Variants in GDA observed in about 807,000 individuals in gnomAD.
GDA encodes guanine deaminase.
GDA carries 18 observed loss-of-function variants against 59.6 expected under a neutral mutation model. The ratio of observed to expected loss-of-function variants is 0.30; its 90% CI spans 0.21 to 0.45. The LOEUF is 0.45. Among genes scored for constraint, GDA ranks in the 20% least tolerant of loss-of-function variants. The probability of loss-of-function intolerance (pLI) is 1.00; values close to 1 mark genes in which losing one functional copy is unlikely to be tolerated. For synonymous variants in GDA, 201 were observed against 201.1 expected (o/e 1.00, Z 0.00); for missense variants, 427 against 552.3 (o/e 0.77, Z 2.27).
At chr9:72,117,648 C>T (rs1825502633) in intron 1 of GDA, among the ~76,000 whole-genome samples, 1 of 152,082 alleles carries the variant, frequency 6.6e-6, no homozygotes, top group Non-Finnish European at 1.5e-5. Flanking sequence ...GAAATCTTTC[C>T]CAGAGGACAT....
At chr9:72,181,692 C>T (rs1449559349) in intron 1 of GDA, among the ~76,000 whole-genome samples, 1 of 151,926 alleles carries the variant, frequency 6.6e-6, no homozygotes, top group East Asian at 1.9e-4. Context: ...TGGGATGGAG[C>T]ACAGTGGCGT....
chr9:72,226,745 T>G (rs533940920), intron 8 of GDA, among the ~76,000 whole-genome samples: 1 of 152,370 alleles, frequency 6.6e-6, no homozygotes, highest in South Asian at 2.1e-4. Flanking sequence ...ATTTTCCATA[T>G]GATTAATAAA....
rs1052964595 is a variant in GDA at position 72,250,057 on chromosome 9, T to C, written c.*1715T>C. The C allele has an allele frequency of 1.0e-6, 1 of 974,362 alleles. No individual in the cohort carries two copies. Among genetic ancestry groups the C allele is most frequent in the African/African-American group, 1.8e-5 (1 of 57,016 alleles). 60.4% of individuals were successfully genotyped at this position (974,362 alleles called of 1,614,324 possible). ...TCTTAGTAAACCCAATTTCCAGTCT[T>C]AGTCTGTATTTCCAATATTTCTAAT... On this transcript the variant is annotated 3_prime_UTR_variant, in exon 14 of 14. Transcript: ENST00000358399.
chr9:72,187,896 G>A (rs1210339497), intron 1 of GDA, among the ~76,000 whole-genome samples: 1 of 152,238 alleles, frequency 6.6e-6, no homozygotes, highest in Non-Finnish European at 1.5e-5. Context: ...GGCCATCCTT[G>A]TTATAAAGTA....
At chr9:72,221,975 G>T (rs1054694317) in intron 6 of GDA, among the ~76,000 whole-genome samples, 1 of 152,150 alleles carries the variant, frequency 6.6e-6, no homozygotes, top group Non-Finnish European at 1.5e-5. Context: ...GGGCATTTAG[G>T]TTGATTCCAT....
chr9:72,119,282 A>T (rs925285370), intron 1 of GDA, among the ~76,000 whole-genome samples: 2 of 152,218 alleles, frequency 1.3e-5, no homozygotes, highest in African/African-American at 4.8e-5. Flanking sequence ...AGGGGGGCAG[A>T]TTCCATGAGC....
intron 1 of GDA, among the ~76,000 whole-genome samples, chr9:72,194,885 T>G (rs1832963940): frequency 1.3e-5 from 2 of 152,172 alleles, no homozygotes. Flanking sequence ...CTAAGTTTGG[T>G]CCAGTTTTCT....
In GDA at chr9:72,249,195, T is replaced by C. The variant is rs1238693609; in HGVS notation, c.*853T>C. 13 of 984,074 alleles carry C rather than the reference T, an allele frequency of 1.3e-5. No homozygotes were observed. The highest frequency in any genetic ancestry group is 1.7e-5 in the African/African-American group (1 of 57,224). 61.0% of individuals were successfully genotyped at this position (984,074 alleles called of 1,614,324 possible). A position where few individuals can be genotyped will look rare whatever the true frequency, so the allele number is the denominator to read the frequency against. On this transcript the variant is annotated 3_prime_UTR_variant, in exon 14 of 14. Coordinates refer to ENST00000358399, the MANE Select transcript of GDA (RefSeq NM_004293.5). ...GAAGAGAAACAAATTCCATGCTTTA[T>C]GGAATTTATGTAGACTGGAGTCTTC...
At chr9:72,120,441 G>A (rs1409787342) in intron 1 of GDA, among the ~76,000 whole-genome samples, 2 of 152,054 alleles carry the variant, frequency 1.3e-5, no homozygotes, top group Admixed American at 6.6e-5. Flanking sequence ...TGATCCGCCC[G>A]CCTCAGCCTC....
At chr9:72,162,404 A>G (rs1399790421) in intron 1 of GDA, among the ~76,000 whole-genome samples, 3 of 152,178 alleles carry the variant, frequency 2.0e-5, no homozygotes, top group Non-Finnish European at 4.4e-5. Flanking sequence ...AGATGCTTCA[A>G]GAATGTAACC....
chr9:72,219,652 G>A, intron 6 of GDA, 146 bp downstream of exon 6: 1 of 537,216 alleles, frequency 1.9e-6, no homozygotes, highest in South Asian at 3.1e-5. Flanking sequence ...ATGTGTCACT[G>A]TGGACTGTCA....
chr9:72,146,615 C>G (rs976580660), upstream of GDA, among the ~76,000 whole-genome samples: 3 of 152,102 alleles, frequency 2.0e-5, no homozygotes, highest in Non-Finnish European at 4.4e-5. Flanking sequence ...TTCAGCCTCC[C>G]TAGTAGCTGG....
At chr9:72,206,879 T>A (rs887078500) in intron 3 of GDA, among the ~76,000 whole-genome samples, 17 of 152,166 alleles carry the variant, frequency 1.1e-4, no homozygotes, top group Non-Finnish European at 1.9e-4. Flanking sequence ...CCTCTGACAA[T>A]TCTTTCCAAT....
At chr9:72,119,557 A>G (rs1825587660) in intron 1 of GDA, among the ~76,000 whole-genome samples, 1 of 152,196 alleles carries the variant, frequency 6.6e-6, no homozygotes, top group Non-Finnish European at 1.5e-5. Flanking sequence ...AAATGTTTGG[A>G]AAAAATGCTG....
intron 6 of GDA, among the ~76,000 whole-genome samples, chr9:72,221,433 C>G (rs1258411630): frequency 1.3e-5 from 2 of 152,146 alleles, no homozygotes; most frequent in Admixed American, 6.6e-5. Context: ...TTTCATGAAA[C>G]CCCGTACTTC....
intron 1 of GDA, among the ~76,000 whole-genome samples, chr9:72,164,467 T>G (rs1829039807): frequency 1.3e-5 from 2 of 152,098 alleles, no homozygotes; most frequent in African/African-American, 2.4e-5. Context: ...GGCAATCAGC[T>G]TGGGTTAGGT....
At chr9:72,253,828 A>G (rs528169596), downstream of GDA, among the ~76,000 whole-genome samples, 3 of 152,306 alleles carry the variant, frequency 2.0e-5, no homozygotes, top group South Asian at 2.1e-4. Context: ...TACTAAATTC[A>G]GGATTTAAAT....
At chr9:72,176,754 G>T (rs1830579436) in intron 1 of GDA, among the ~76,000 whole-genome samples, 1 of 152,150 alleles carries the variant, frequency 6.6e-6, no homozygotes, top group Admixed American at 6.5e-5. Context: ...ACTTTTACAT[G>T]ATGGCTTTTC....
chr9:72,131,858 G>A (rs1321466557), intron 1 of GDA, among the ~76,000 whole-genome samples: 1 of 152,162 alleles, frequency 6.6e-6, no homozygotes, highest in African/African-American at 2.4e-5. Flanking sequence ...TCATGCTGCT[G>A]ATAAAGACAT....
Sources: gnomAD v4.1 joint callset for allele counts (sites outside exome capture counted in the v4.1 genomes callset) on GRCh38, gnomAD v4.1.1 for gene constraint, MANE v1.5 for transcripts, NCBI Gene and HGNC (gene_info 2026-07-23, HGNC 2026-07-21) for gene names.